Variants in ATG7 observed in about 807,000 individuals in gnomAD.
The protein encoded by ATG7 is ubiquitin-like modifier-activating enzyme ATG7.
In ATG7, 70 loss-of-function variants were observed where a neutral mutation model predicts 82.4. The observed-to-expected ratio is 0.85, with a 90% CI of 0.70 to 1.04. ATG7 has a LOEUF of 1.04. Among genes scored for constraint, ATG7 ranks in the 50% least tolerant of loss-of-function variants. ATG7 has a pLI of 0.00. For synonymous variants in ATG7, 287 were observed against 313.0 expected, an observed-to-expected ratio of 0.92 and a Z score of 0.88; for missense variants, 792 against 864.3, an observed-to-expected ratio of 0.92 and a Z score of 1.05.
At chr3:11,288,863 G>A (rs543820918) in intron 3 of ATG7, 6 of 152,192 alleles carry the variant, frequency 3.9e-5, no homozygotes, top group Admixed American at 3.9e-4. Context: ...CCGGGGGATT[G>A]TATTGGTTAA....
chr3:11,326,992 A>G (rs1027602250), intron 9 of ATG7, among the ~76,000 whole-genome samples: 1 of 152,216 alleles, frequency 6.6e-6, no homozygotes, highest in Admixed American at 6.5e-5. Context: ...ACAGTTTTGT[A>G]TGGAAGCTTC....
chr3:11,539,928 C>T (rs1171331105), intron 20 of ATG7, among the ~76,000 whole-genome samples: 7 of 152,190 alleles, frequency 4.6e-5, no homozygotes, highest in African/African-American at 1.4e-4. Flanking sequence ...CGCTGAGTAG[C>T]GTCTCGCTGT....
At chr3:11,553,267 TCACCTCA>T (rs1194989872) in intron 20 of ATG7, among the ~76,000 whole-genome samples, 2 of 7,480 alleles carry the variant, frequency 2.7e-4, no homozygotes, top group Non-Finnish European at 5.9e-4. Context: ...GTTTCCATCT[TCACCTCA>T]CAGGTAGATG....
intron 20 of ATG7, among the ~76,000 whole-genome samples, chr3:11,551,254 C>T (rs1399382860): frequency 2.0e-5 from 3 of 152,240 alleles, no homozygotes; most frequent in Non-Finnish European, 4.4e-5. Context: ...GTGGGGGCTT[C>T]TCACCGCTCT....
intron 19 of ATG7, among the ~76,000 whole-genome samples, chr3:11,395,893 TCAC>T (rs1432136670): frequency 1.2e-4 from 14 of 119,812 alleles, no homozygotes; most frequent in African/African-American, 4.3e-4. Context: ...TGAGCGGAGG[TCAC>T]ACCACTATAC....
At chr3:11,441,297 G>T (rs540085442) in intron 20 of ATG7, among the ~76,000 whole-genome samples, 1 of 152,004 alleles carries the variant, frequency 6.6e-6, no homozygotes, top group African/African-American at 2.4e-5. Flanking sequence ...AGGCTGGAGC[G>T]CAGTGACATG....
At chr3:11,330,257 T>G (rs6442248) in intron 9 of ATG7, among the ~76,000 whole-genome samples, 152,309 of 152,310 alleles carry the variant, frequency 1, 76,154 homozygotes, top group Non-Finnish European at 1. Flanking sequence ...GAGGGGAAGG[T>G]TTAAATTTTG....
At chr3:11,493,302 C>T (rs1006580398) in intron 20 of ATG7, among the ~76,000 whole-genome samples, 5 of 152,150 alleles carry the variant, frequency 3.3e-5, no homozygotes, top group East Asian at 1.9e-4. Context: ...GAAGGCAAGT[C>T]GCCTCTCCCC....
At position 11,336,588 on chromosome 3, in the gene ATG7, T is replaced by A. The variant is rs570323898; in HGVS notation, c.889+3495T>A. On this transcript the variant is annotated intron_variant, in intron 11 of 20. Coordinates refer to ENST00000693202, the MANE Select transcript of ATG7 (RefSeq NM_001349232.2). ...TCATAATGTAAACTGAAAATATAAG[T>A]ATGGTTGTACTTTTCAATACTTCTA... Among the ~76,000 whole-genome samples the A allele has an allele frequency of 1.4e-4, 22 of 152,320 alleles. No individual in the cohort carries two copies. In the East Asian group the frequency reaches 3.9e-3, roughly 27 times the overall value.
chr3:11,519,612 T>G (rs943185083), intron 20 of ATG7, among the ~76,000 whole-genome samples: 2 of 124,002 alleles, frequency 1.6e-5, no homozygotes, highest in Non-Finnish European at 3.2e-5. Flanking sequence ...CAGGCTGGAG[T>G]GCAGTGGGGC....
At chr3:11,286,902 A>G (rs1216790924) in intron 3 of ATG7, among the ~76,000 whole-genome samples, 1 of 85,914 alleles carries the variant, frequency 1.2e-5, no homozygotes, top group South Asian at 5.5e-4. Flanking sequence ...ACCGCACCCA[A>G]CCTTTTTTTA....
At chr3:11,291,481 C>T (rs894794531) in intron 3 of ATG7, among the ~76,000 whole-genome samples, 3 of 152,204 alleles carry the variant, frequency 2.0e-5, no homozygotes, top group Admixed American at 6.5e-5. Context: ...AGCTCTACCA[C>T]TTCCTGTGTG....
At chr3:11,470,201 G>A (rs935455387) in intron 20 of ATG7, among the ~76,000 whole-genome samples, 1 of 152,094 alleles carries the variant, frequency 6.6e-6, no homozygotes, top group African/African-American at 2.4e-5. Context: ...CAGGAGTGTG[G>A]CACCTCTGTA....
At chr3:11,375,357 A>G (rs1000099164) in intron 18 of ATG7, among the ~76,000 whole-genome samples, 2 of 152,262 alleles carry the variant, frequency 1.3e-5, no homozygotes, top group African/African-American at 4.8e-5. Flanking sequence ...TTAAATAGAC[A>G]TTTCTCCAAA....
intron 3 of ATG7, among the ~76,000 whole-genome samples, chr3:11,296,590 C>T (rs980826282): frequency 2.0e-5 from 3 of 152,220 alleles, no homozygotes; most frequent in Admixed American, 2.0e-4. Context: ...CACTGGCTTC[C>T]TCCTCCAAAA....
chr3:11,309,199 C>A, intron 7 of ATG7, 138 bp downstream of exon 7: 1 of 872,564 alleles, frequency 1.1e-6, no homozygotes, highest in Non-Finnish European at 1.9e-6. Flanking sequence ...ACGAAACGCT[C>A]ATTTGATTAG....
chr3:11,532,794 G>A (rs1411085817), intron 20 of ATG7, among the ~76,000 whole-genome samples: 1 of 152,214 alleles, frequency 6.6e-6, no homozygotes, highest in Non-Finnish European at 1.5e-5. Context: ...CTTGTGGCAA[G>A]GATGGGTCTA....
chr3:11,512,948 A>G (rs1237921007), intron 20 of ATG7, among the ~76,000 whole-genome samples: 3 of 152,168 alleles, frequency 2.0e-5, no homozygotes, highest in Non-Finnish European at 4.4e-5. Context: ...AGTCCCCACT[A>G]GATTAGCTAG....
chr3:11,530,082 G>A (rs1478917014), intron 20 of ATG7, among the ~76,000 whole-genome samples: 2 of 152,190 alleles, frequency 1.3e-5, no homozygotes, highest in East Asian at 3.9e-4. Context: ...TCTCGGTCTT[G>A]GCTGGAGGGT....
Sources: allele counts gnomAD v4.1 joint callset (sites outside exome capture counted in the v4.1 genomes callset), GRCh38; gene constraint gnomAD v4.1.1; transcripts MANE v1.5; gene names NCBI Gene and HGNC (gene_info 2026-07-23, HGNC 2026-07-21).